The following KIF5C variants were observed in gnomAD, a reference collection of about 807,000 sequenced individuals.
The protein encoded by KIF5C is kinesin family member 5C.
A neutral mutation model predicts 125.2 loss-of-function variants in KIF5C; 18 were observed. That is an observed-to-expected ratio of 0.14 (90% CI 0.10 to 0.21). KIF5C has a LOEUF of 0.21. Ranked by LOEUF, KIF5C falls within the 10% of genes least tolerant of loss-of-function variation. The pLI, the probability that KIF5C is intolerant of heterozygous loss-of-function variation, is 1.00. For missense variants in KIF5C, 780 were observed against 1,183.8 expected (o/e 0.66, Z 5.01); for synonymous variants, 405 against 434.0 (o/e 0.93, Z 0.83).
At chr2:148,942,871 A>G (rs1682439592) in intron 7 of KIF5C, 111 bp downstream of exon 7, 2 of 1,527,286 alleles carry the variant, frequency 1.3e-6, no homozygotes, top group African/African-American at 2.8e-5. Flanking sequence ...TGGGAAGGTG[A>G]TTAAAGAGCA....
intron 4 of KIF5C, among the ~76,000 whole-genome samples, chr2:148,940,238 G>C (rs2105102015): frequency 6.6e-6 from 1 of 152,334 alleles, no homozygotes; most frequent in East Asian, 1.9e-4. Flanking sequence ...TAAGGATGTG[G>C]GGAGTGTGGC....
At chr2:148,970,085 G>T (rs1680858355) in intron 11 of KIF5C, among the ~76,000 whole-genome samples, 1 of 152,180 alleles carries the variant, frequency 6.6e-6, no homozygotes, top group South Asian at 2.1e-4. Context: ...TTGTTTAGAT[G>T]TAGCTTTGTA....
intron 1 of KIF5C, among the ~76,000 whole-genome samples, chr2:148,918,113 A>AT (rs1347782567): frequency 6.6e-6 from 1 of 152,138 alleles, no homozygotes; most frequent in Non-Finnish European, 1.5e-5. Flanking sequence ...TGGTGGTATG[A>AT]TTTTTTAAAA....
At chr2:148,976,570 A>G (rs1299880857) in intron 12 of KIF5C, among the ~76,000 whole-genome samples, 1 of 151,154 alleles carries the variant, frequency 6.6e-6, no homozygotes, top group East Asian at 1.9e-4. Context: ...GCCTGGCCGC[A>G]TGTTATTTTT....
intron 11 of KIF5C, among the ~76,000 whole-genome samples, chr2:148,972,314 TG>T (rs962016605): frequency 6.6e-5 from 10 of 152,132 alleles, no homozygotes; most frequent in African/African-American, 2.4e-4. Context: ...GGCTGGGAAC[TG>T]GGGTGAGGCT....
chr2:149,005,675 G>T (rs1203196289), intron 22 of KIF5C, among the ~76,000 whole-genome samples: 1 of 152,214 alleles, frequency 6.6e-6, no homozygotes, highest in East Asian at 1.9e-4. Context: ...TTGGTAAAAG[G>T]AAGTCAGAAT....
At chr2:148,905,358 T>A (rs142183210) in intron 1 of KIF5C, among the ~76,000 whole-genome samples, 7 of 152,054 alleles carry the variant, frequency 4.6e-5, no homozygotes, top group African/African-American at 1.7e-4. Flanking sequence ...TTAAAGAAGT[T>A]GGAGAAATTA....
intron 16 of KIF5C, among the ~76,000 whole-genome samples, chr2:148,994,065 A>G (rs543473250): frequency 1.1e-4 from 17 of 152,332 alleles, no homozygotes; most frequent in East Asian, 5.8e-4. Flanking sequence ...TGCATGTTCA[A>G]TGAATGAGGC....
chr2:149,009,909 T>C (rs1317450363), intron 23 of KIF5C, among the ~76,000 whole-genome samples: 1 of 152,138 alleles, frequency 6.6e-6, no homozygotes. Context: ...GGAAATAGGT[T>C]TTAATTGTAT....
chr2:148,905,885 A>G (rs900810689), intron 1 of KIF5C, among the ~76,000 whole-genome samples: 1 of 152,184 alleles, frequency 6.6e-6, no homozygotes, highest in African/African-American at 2.4e-5. Flanking sequence ...GCAGGCCAAA[A>G]AAGAGAGCTT....
chr2:148,910,519 A>AT (rs1681291640), intron 1 of KIF5C, among the ~76,000 whole-genome samples: 1 of 152,264 alleles, frequency 6.6e-6, no homozygotes, highest in East Asian at 1.9e-4. Context: ...TGGATCCTGC[A>AT]TTTTTTCCAT....
chr2:148,908,001 G>A (rs1161223804), intron 1 of KIF5C, among the ~76,000 whole-genome samples: 1 of 152,192 alleles, frequency 6.6e-6, no homozygotes, highest in Non-Finnish European at 1.5e-5. Flanking sequence ...TCTCAAATCT[G>A]TCCAGCCACT....
At chr2:149,020,864 G>T (rs1682514692) in intron 25 of KIF5C, among the ~76,000 whole-genome samples, 1 of 152,064 alleles carries the variant, frequency 6.6e-6, no homozygotes. Context: ...TCTAATTCTG[G>T]CAATAAGCCC....
At chr2:148,929,601 A>G (rs1487451520) in intron 3 of KIF5C, among the ~76,000 whole-genome samples, 1 of 152,232 alleles carries the variant, frequency 6.6e-6, no homozygotes, top group Admixed American at 6.5e-5. Context: ...TTCAGAAACA[A>G]TCATTGATTA....
At chr2:148,903,026 C>T (rs1680966055) in intron 1 of KIF5C, among the ~76,000 whole-genome samples, 1 of 152,002 alleles carries the variant, frequency 6.6e-6, no homozygotes, top group Non-Finnish European at 1.5e-5. Context: ...TGTAAGGCTG[C>T]CCTTGAGCTG....
chr2:148,907,199 A>C (rs924699729), intron 1 of KIF5C, among the ~76,000 whole-genome samples: 2 of 150,854 alleles, frequency 1.3e-5, no homozygotes, highest in East Asian at 3.9e-4. Flanking sequence ...AAGCTTCTTT[A>C]ATTAAGAAAA....
intron 1 of KIF5C, among the ~76,000 whole-genome samples, chr2:148,917,850 G>A (rs1242958939): frequency 6.6e-6 from 1 of 152,194 alleles, no homozygotes; most frequent in African/African-American, 2.4e-5. Flanking sequence ...GCTACAATTC[G>A]TCGTCAGTCT....
At chr2:148,939,094 TAAAA>T (rs66739683) in intron 4 of KIF5C, among the ~76,000 whole-genome samples, 4 of 131,718 alleles carry the variant, frequency 3.0e-5, no homozygotes, top group African/African-American at 5.6e-5. Context: ...GATTCTGTCT[TAAAA>T]AAAAAAAAAA....
chr2:148,991,707 G>A (rs1681530674), intron 16 of KIF5C, among the ~76,000 whole-genome samples: 1 of 152,112 alleles, frequency 6.6e-6, no homozygotes, highest in South Asian at 2.1e-4. Context: ...TTATTCCTCA[G>A]ATAGGCAGCT....
Sources: gnomAD v4.1 joint callset for allele counts (sites outside exome capture counted in the v4.1 genomes callset) on GRCh38, gnomAD v4.1.1 for gene constraint, MANE v1.5 for transcripts, NCBI Gene and HGNC (gene_info 2026-07-23, HGNC 2026-07-21) for gene names.